Variants in ATP8A1 observed in about 807,000 individuals in gnomAD.
ATP8A1 encodes ATPase phospholipid transporting 8A1.
ATP8A1 carries 90 observed loss-of-function variants against 177.7 expected under a neutral mutation model. That is an observed-to-expected ratio of 0.51 (90% CI 0.43 to 0.60). The LOEUF is 0.60. Among genes scored for constraint, ATP8A1 ranks in the 20% least tolerant of loss-of-function variants. The pLI is 0.00. For synonymous variants in ATP8A1, 493 were observed against 485.9 expected (o/e 1.01, Z -0.19); for missense variants, 1,072 against 1,392.8 (o/e 0.77, Z 3.67).
chr4:42,532,341 C>T (rs1727351394), intron 20 of ATP8A1, among the ~76,000 whole-genome samples: 1 of 151,978 alleles, frequency 6.6e-6, no homozygotes, highest in East Asian at 1.9e-4. Context: ...AAAAAATTAA[C>T]TGGGCATGAT....
chr4:42,463,001 T>C (rs1164808872), intron 27 of ATP8A1, among the ~76,000 whole-genome samples: 1 of 152,216 alleles, frequency 6.6e-6, no homozygotes, highest in South Asian at 2.1e-4. Flanking sequence ...TATTTACCCA[T>C]TGCTTGTACA....
At chr4:42,615,070 C>T (rs1736765468) in intron 5 of ATP8A1, among the ~76,000 whole-genome samples, 1 of 152,178 alleles carries the variant, frequency 6.6e-6, no homozygotes, top group South Asian at 2.1e-4. Flanking sequence ...TTTACATGTA[C>T]CTATTTCAAC....
chr4:42,623,009 C>CAAAAAAAAAAAAA (rs200111147), intron 4 of ATP8A1, among the ~76,000 whole-genome samples: 1 of 116,140 alleles, frequency 8.6e-6, no homozygotes. Flanking sequence ...AACTCTGTCT[C>CAAAAAAAAAAAAA]AAAAAAAAAA....
chr4:42,452,400 A>G (rs1358684547), intron 29 of ATP8A1, among the ~76,000 whole-genome samples: 1 of 152,240 alleles, frequency 6.6e-6, no homozygotes, highest in Non-Finnish European at 1.5e-5. Flanking sequence ...TAATTCCAGA[A>G]GAATAGACTT....
At chr4:42,595,767 A>T (rs1393286331) in intron 6 of ATP8A1, among the ~76,000 whole-genome samples, 1 of 152,210 alleles carries the variant, frequency 6.6e-6, no homozygotes, top group African/African-American at 2.4e-5. Context: ...AATCAGAATC[A>T]CGTCCTCTAC....
chr4:42,564,260 C>T (rs563554833), intron 15 of ATP8A1, among the ~76,000 whole-genome samples: 2 of 152,260 alleles, frequency 1.3e-5, no homozygotes, highest in African/African-American at 4.8e-5. Context: ...CAGAGCCCCC[C>T]CCAACAGAGT....
intron 1 of ATP8A1, among the ~76,000 whole-genome samples, chr4:42,655,643 A>G (rs1201159993): frequency 6.6e-6 from 1 of 152,240 alleles, no homozygotes; most frequent in Non-Finnish European, 1.5e-5. Context: ...ATTCCTATGT[A>G]GTACACAGGC....
At chr4:42,448,401 CTT>C (rs1226963744) in intron 30 of ATP8A1, among the ~76,000 whole-genome samples, 1 of 99,558 alleles carries the variant, frequency 1.0e-5, no homozygotes, top group Non-Finnish European at 1.9e-5. Flanking sequence ...TCTTTCTTTT[CTT>C]TTTTTTTTTT....
intron 15 of ATP8A1, among the ~76,000 whole-genome samples, chr4:42,568,494 A>G (rs1425578489): frequency 6.6e-6 from 1 of 152,220 alleles, no homozygotes; most frequent in Non-Finnish European, 1.5e-5. Flanking sequence ...ATAAATCTGC[A>G]CTATCCAAGA....
intron 22 of ATP8A1, among the ~76,000 whole-genome samples, chr4:42,512,239 T>A (rs546579013): frequency 5.9e-4 from 90 of 152,342 alleles, no homozygotes; most frequent in African/African-American, 1.9e-3. Context: ...GATGTAAAAC[T>A]GAGATTAGAT....
At position 42,516,406 on chromosome 4, in the gene ATP8A1, A is replaced by T. The variant is rs186795870; in HGVS notation, c.1947+5754T>A. Among the ~76,000 whole-genome samples, 8 of 152,370 alleles carry T rather than the reference A, an allele frequency of 5.3e-5. No individual in the cohort carries two copies. The East Asian group carries it at 7.7e-4, about 15-fold the overall frequency. ...ATTGGATAAGTTTCCATTAAAAAAA[A>T]AAGTTTCCCAATCCACGCATCATAA... On this transcript the variant is annotated intron_variant, in intron 22 of 36. Transcript: ENST00000381668.
intron 12 of ATP8A1, 31 bp from the exon 13 acceptor site, chr4:42,575,730 C>CA: frequency 8.3e-6 from 13 of 1,557,050 alleles, no homozygotes; most frequent in Non-Finnish European, 1.1e-5. Flanking sequence ...TCATTGAACA[C>CA]AACTGGTAAT....
chr4:42,552,906 G>T (rs41265693), intron 16 of ATP8A1, among the ~76,000 whole-genome samples: 21,365 of 152,184 alleles, frequency 0.14, 1,836 homozygotes, highest in East Asian at 0.27. Context: ...TTGAACCCGG[G>T]AGGCGGGAGG....
chr4:42,515,371 C>G (rs1213243836), intron 22 of ATP8A1, among the ~76,000 whole-genome samples: 2 of 152,180 alleles, frequency 1.3e-5, no homozygotes, highest in African/African-American at 4.8e-5. Context: ...ACAGAAGTTA[C>G]TGTGAACTTG....
At chr4:42,487,316 A>G (rs933167936) in intron 24 of ATP8A1, among the ~76,000 whole-genome samples, 2 of 152,188 alleles carry the variant, frequency 1.3e-5, no homozygotes, top group African/African-American at 4.8e-5. Flanking sequence ...CTTCAAAGGG[A>G]TAAAGTTTCA....
chr4:42,505,900 T>G (rs1560399981), intron 23 of ATP8A1, among the ~76,000 whole-genome samples: 1 of 152,224 alleles, frequency 6.6e-6, no homozygotes, highest in Non-Finnish European at 1.5e-5. Context: ...TCAAGCTACC[T>G]ACTTTTACTA....
intron 20 of ATP8A1, among the ~76,000 whole-genome samples, chr4:42,537,144 A>C (rs1198475078): frequency 9.7e-5 from 14 of 144,684 alleles, no homozygotes; most frequent in Admixed American, 9.1e-4. Flanking sequence ...AAAAAAAAAA[A>C]AACAAAAAAA....
chr4:42,522,450 A>G, intron 21 of ATP8A1, 151 bp from the exon 22 acceptor site: 1 of 939,110 alleles, frequency 1.1e-6, no homozygotes, highest in Non-Finnish European at 1.6e-6. Context: ...ACAAAAACTT[A>G]GTATAAAATG....
intron 6 of ATP8A1, among the ~76,000 whole-genome samples, chr4:42,596,518 T>G (rs1734727229): frequency 6.6e-6 from 1 of 151,724 alleles, no homozygotes; most frequent in Non-Finnish European, 1.5e-5. Context: ...AATACAAAAA[T>G]TAGCTGGGCA....
Sources: gnomAD v4.1 joint callset for allele counts (sites outside exome capture counted in the v4.1 genomes callset) on GRCh38, gnomAD v4.1.1 for gene constraint, MANE v1.5 for transcripts, NCBI Gene and HGNC (gene_info 2026-07-23, HGNC 2026-07-21) for gene names.